The following TAFA2 variants were observed in gnomAD, a reference collection of about 807,000 sequenced individuals.
TAFA2 encodes TAFA chemokine like family member 2, also known as chemokine-like protein TAFA-2.
A neutral mutation model predicts 18.8 loss-of-function variants in TAFA2; 7 were observed. The ratio of observed to expected loss-of-function variants is 0.37; its 90% CI spans 0.21 to 0.70. The LOEUF (loss-of-function observed/expected upper bound fraction) is 0.70, where lower values mean the gene tolerates loss of function less well. Among genes scored for constraint, TAFA2 ranks in the 30% least tolerant of loss-of-function variants. The probability of loss-of-function intolerance (pLI) is 0.53; values close to 1 mark genes in which losing one functional copy is unlikely to be tolerated. For synonymous variants in TAFA2, 60 were observed against 54.2 expected, an observed-to-expected ratio of 1.11 and a Z score of -0.47; for missense variants, 122 against 158.1, an observed-to-expected ratio of 0.77 and a Z score of 1.23.
rs192953739 is a variant in TAFA2 at position 61,820,043 on chromosome 12, T to A, written c.106+47277A>T. On this transcript the variant is annotated intron_variant, in intron 2 of 4. Coordinates refer to ENST00000416284, the MANE Select transcript of TAFA2 (RefSeq NM_178539.5). ...AGCCACTCTACCTTATCCAGAAACATTTTTTAATATGTTTCCACAAGTCTT... is the reference window on the plus strand; with the variant it reads ...AGCCACTCTACCTTATCCAGAAACAATTTTTAATATGTTTCCACAAGTCTT... 2.0e-4 allele frequency among the ~76,000 whole-genome samples: 31 copies of A among 152,200 alleles called. No individual in the cohort carries two copies. The East Asian group carries it at 5.6e-3, about 27-fold the overall frequency.
intron 1 of TAFA2, among the ~76,000 whole-genome samples, chr12:62,025,391 C>A (rs1881278849): frequency 6.6e-6 from 1 of 151,772 alleles, no homozygotes; most frequent in Non-Finnish European, 1.5e-5. Flanking sequence ...TGCACATGTA[C>A]CCCCAAATCA....
intron 1 of TAFA2, among the ~76,000 whole-genome samples, chr12:62,130,249 C>T (rs1409526704): frequency 2.6e-5 from 4 of 152,016 alleles, no homozygotes; most frequent in Non-Finnish European, 4.4e-5. Context: ...CTTTACTCTC[C>T]GTAAACAAAG....
At chr12:61,964,144 C>A (rs1346102396) in intron 1 of TAFA2, among the ~76,000 whole-genome samples, 1 of 151,958 alleles carries the variant, frequency 6.6e-6, no homozygotes, top group Non-Finnish European at 1.5e-5. Context: ...CTAGGCAATA[C>A]CATTCAGGAC....
At chr12:62,228,685 T>C (rs781390942) in intron 1 of TAFA2, among the ~76,000 whole-genome samples, 2 of 152,206 alleles carry the variant, frequency 1.3e-5, no homozygotes, top group Admixed American at 6.5e-5. Context: ...ATTTTTTAAG[T>C]TCAGGATTTT....
chr12:61,965,769 G>A (rs1350907903), intron 1 of TAFA2, among the ~76,000 whole-genome samples: 1 of 151,924 alleles, frequency 6.6e-6, no homozygotes. Context: ...GCAGGAACAA[G>A]ACTGAGGTTG....
intron 1 of TAFA2, among the ~76,000 whole-genome samples, chr12:62,061,793 A>G (rs1225993352): frequency 1.3e-5 from 2 of 152,192 alleles, no homozygotes; most frequent in Non-Finnish European, 1.5e-5. Flanking sequence ...AACATCTACA[A>G]TGTATCAGAT....
At chr12:61,934,034 C>T (rs1366994194) in intron 1 of TAFA2, among the ~76,000 whole-genome samples, 9 of 152,198 alleles carry the variant, frequency 5.9e-5, no homozygotes. Context: ...CAAAGTCACA[C>T]AGCCAGAAAC....
At chr12:61,721,038 TCCTTTACCTC>T in intron 4 of TAFA2, 1 of 440,574 alleles carries the variant, frequency 2.3e-6, no homozygotes, top group Admixed American at 2.6e-5. Flanking sequence ...GACAATAATG[TCCTTTACCTC>T]CAAAAAAGCT....
At chr12:62,143,594 C>G (rs1287674219) in intron 1 of TAFA2, among the ~76,000 whole-genome samples, 1 of 152,138 alleles carries the variant, frequency 6.6e-6, no homozygotes, top group African/African-American at 2.4e-5. Context: ...GTGAAGGTAG[C>G]TGGCTAGACC....
At chr12:61,749,919 G>T (rs79014320) in intron 4 of TAFA2, among the ~76,000 whole-genome samples, 3,048 of 151,876 alleles carry the variant, frequency 0.02, 115 homozygotes, top group African/African-American at 0.069. Context: ...ATACCATTAG[G>T]CAAGGACTAT....
At chr12:61,952,639 G>T (rs959376115) in intron 1 of TAFA2, among the ~76,000 whole-genome samples, 4 of 151,976 alleles carry the variant, frequency 2.6e-5, no homozygotes, top group Non-Finnish European at 5.9e-5. Context: ...AGCAACTGAC[G>T]TCTTTATCTC....
At chr12:62,112,385 G>A (rs978536717) in intron 1 of TAFA2, among the ~76,000 whole-genome samples, 56 of 152,228 alleles carry the variant, frequency 3.7e-4, no homozygotes, top group Admixed American at 3.1e-3. Flanking sequence ...TCCCTTTGTG[G>A]GTAACCCGAC....
chr12:61,850,024 G>T (rs1873576313), intron 2 of TAFA2, among the ~76,000 whole-genome samples: 1 of 151,998 alleles, frequency 6.6e-6, no homozygotes, highest in Non-Finnish European at 1.5e-5. Context: ...CTAACTCTAG[G>T]TCATGCATTT....
chr12:61,837,401 C>G (rs1215663213), intron 2 of TAFA2, among the ~76,000 whole-genome samples: 11 of 152,010 alleles, frequency 7.2e-5, no homozygotes, highest in Admixed American at 5.2e-4. Flanking sequence ...CATCATAACT[C>G]TTAATCTACA....
At chr12:61,928,664 G>C (rs1313701215) in intron 1 of TAFA2, among the ~76,000 whole-genome samples, 2 of 152,050 alleles carry the variant, frequency 1.3e-5, no homozygotes, top group Admixed American at 1.3e-4. Context: ...CCCATTACTG[G>C]GTACATACCC....
chr12:62,106,830 G>GT, intron 1 of TAFA2, among the ~76,000 whole-genome samples: 1 of 152,136 alleles, frequency 6.6e-6, no homozygotes. Flanking sequence ...TGAAAGACTT[G>GT]TAAAAGAGCT....
chr12:61,760,057 G>A, intron 2 of TAFA2, among the ~76,000 whole-genome samples: 1 of 144,504 alleles, frequency 6.9e-6, no homozygotes, highest in East Asian at 2.2e-4. Context: ...GATAGATGCA[G>A]GGCTTTCCTG....
chr12:62,056,730 CA>C (rs146207399), intron 1 of TAFA2, among the ~76,000 whole-genome samples: 3,627 of 152,286 alleles, frequency 0.024, 142 homozygotes, highest in African/African-American at 0.082. Flanking sequence ...ACAGGGACAT[CA>C]CCTATGTTTT....
chr12:61,988,267 T>C lies in TAFA2; in HGVS notation c.-1-120841A>G, dbSNP rs544833321. 8.8e-4 allele frequency among the ~76,000 whole-genome samples: 134 copies of C among 152,216 alleles called. 1 individual carries two copies. Among genetic ancestry groups the C allele is most frequent in the African/African-American group, 3.2e-3 (131 of 41,530 alleles). ...TCCCTTTTCACTTCCCAATAGAATTTAAAGCATTTCAAGCAGTAGATAGTA... is the reference window on the plus strand; with the variant it reads ...TCCCTTTTCACTTCCCAATAGAATTCAAAGCATTTCAAGCAGTAGATAGTA... On this transcript the variant is annotated intron_variant, in intron 1 of 4. Coordinates refer to ENST00000416284, the MANE Select transcript of TAFA2 (RefSeq NM_178539.5).
Sources: allele counts gnomAD v4.1 joint callset (sites outside exome capture counted in the v4.1 genomes callset), GRCh38; gene constraint gnomAD v4.1.1; transcripts MANE v1.5; gene names NCBI Gene and HGNC (gene_info 2026-07-23, HGNC 2026-07-21).